The following FSD1L variants were observed in gnomAD, a reference collection of about 807,000 sequenced individuals.
FSD1L encodes the protein FSD1-like protein.
FSD1L carries 45 observed loss-of-function variants against 71.6 expected under a neutral mutation model. The observed-to-expected ratio is 0.63, with a 90% CI of 0.49 to 0.81. The LOEUF (loss-of-function observed/expected upper bound fraction) is 0.81, where lower values mean the gene tolerates loss of function less well. Among genes scored for constraint, FSD1L ranks in the 30% least tolerant of loss-of-function variants. FSD1L has a pLI of 0.00. For synonymous variants in FSD1L, 197 were observed against 207.2 expected (o/e 0.95, Z 0.42); for missense variants, 561 against 618.1 (o/e 0.91, Z 0.98).
chr9:105,446,966 C>A (rs1349716426), upstream of FSD1L, among the ~76,000 whole-genome samples: 1 of 152,028 alleles, frequency 6.6e-6, no homozygotes, highest in African/African-American at 2.4e-5. Flanking sequence ...TCCAAGCTTT[C>A]TAAAATCTTC....
chr9:105,526,386 C>T (rs1317469935), intron 10 of FSD1L: 6 of 1,613,174 alleles, frequency 3.7e-6, no homozygotes, highest in East Asian at 2.2e-5. Context: ...TCTGAAGGCT[C>T]CTACCCAGAG....
At chr9:105,463,588 A>G (rs1475948162) in intron 2 of FSD1L, among the ~76,000 whole-genome samples, 2 of 152,256 alleles carry the variant, frequency 1.3e-5, no homozygotes, top group African/African-American at 2.4e-5. Flanking sequence ...GCACATTTAT[A>G]GAACATTTCC....
chr9:105,513,025 A>G, intron 10 of FSD1L, 89 bp downstream of exon 10: 1 of 1,135,274 alleles, frequency 8.8e-7, no homozygotes, highest in East Asian at 2.9e-5. Flanking sequence ...TTCTTAGTCA[A>G]TATACCTATG....
intron 7 of FSD1L, among the ~76,000 whole-genome samples, chr9:105,489,501 T>TTTTTA (rs199587230): frequency 0.016 from 2,393 of 152,246 alleles, 87 homozygotes; most frequent in African/African-American, 0.054. Flanking sequence ...GTTTTATGTT[T>TTTTTA]TTTTATTTTA....
At chr9:105,471,721 G>GTT (rs1049947358) in intron 4 of FSD1L, among the ~76,000 whole-genome samples, 183 bp from the exon 5 acceptor site, 65 of 98,370 alleles carry the variant, frequency 6.6e-4, no homozygotes, top group African/African-American at 2.6e-3. Context: ...AAAATAACAC[G>GTT]TTTTATATAT....
chr9:105,526,710 ATT>A (rs1175054257), intron 10 of FSD1L, among the ~76,000 whole-genome samples: 2 of 152,198 alleles, frequency 1.3e-5, no homozygotes, highest in African/African-American at 4.8e-5. Flanking sequence ...GATTTAAGTT[ATT>A]TATTGTTTCA....
intron 5 of FSD1L, among the ~76,000 whole-genome samples, chr9:105,475,888 T>C (rs1376767585): frequency 6.6e-6 from 1 of 152,184 alleles, no homozygotes; most frequent in South Asian, 2.1e-4. Context: ...AAACTTCTAA[T>C]GTATGGAATC....
rs1837121464 is a variant in FSD1L at position 105,548,312 on chromosome 9, T to G, written c.*1829T>G. ...AATGAATGGGAATTTATAATTCCTT[T>G]CATAGACTCAAACCTGAAAGCAGAA... On this transcript the variant is annotated 3_prime_UTR_variant, in exon 14 of 14. Transcript: ENST00000481272. 1 of 152,382 alleles carries G rather than the reference T, an allele frequency of 6.6e-6. No homozygotes were observed. The highest frequency in any genetic ancestry group is 1.5e-5 in the Non-Finnish European group (1 of 68,000). The allele number at this position is 152,382 out of a possible 1,614,324, so 9.4% of individuals were successfully genotyped here. A position where few individuals can be genotyped will look rare whatever the true frequency, so the allele number is the denominator to read the frequency against.
At chr9:105,489,803 G>A in intron 7 of FSD1L, among the ~76,000 whole-genome samples, 1 of 152,102 alleles carries the variant, frequency 6.6e-6, no homozygotes, top group East Asian at 1.9e-4. Flanking sequence ...ATGATTTCCA[G>A]TTTCATCCAC....
intron 10 of FSD1L, chr9:105,520,295 A>G: frequency 1.3e-6 from 2 of 1,532,332 alleles, no homozygotes; most frequent in South Asian, 1.2e-5. Context: ...CCTAGTTCAG[A>G]GTTTATCTCG....
At chr9:105,541,494 T>C (rs1048155673) in intron 13 of FSD1L, among the ~76,000 whole-genome samples, 1 of 152,084 alleles carries the variant, frequency 6.6e-6, no homozygotes, top group Non-Finnish European at 1.5e-5. Flanking sequence ...TTTATTGTTT[T>C]TCATTCCAAA....
At chr9:105,449,560 T>G (rs1387046907) in intron 1 of FSD1L, among the ~76,000 whole-genome samples, 1 of 152,212 alleles carries the variant, frequency 6.6e-6, no homozygotes, top group Non-Finnish European at 1.5e-5. Context: ...AGCAAGTCAC[T>G]TAACTGTGAT....
upstream of FSD1L, chr9:105,448,029 C>A: frequency 1.6e-6 from 1 of 626,724 alleles, no homozygotes; most frequent in Non-Finnish European, 2.8e-6. Context: ...CTTCTGCGGG[C>A]CGCCCTTTCA....
chr9:105,444,987 G>C (rs1411734338), upstream of FSD1L, among the ~76,000 whole-genome samples: 3 of 152,146 alleles, frequency 2.0e-5, no homozygotes, highest in Non-Finnish European at 4.4e-5. Context: ...CTGGTCCAGG[G>C]ATCACATTTA....
At chr9:105,466,240 G>C (rs1248685849) in intron 3 of FSD1L, among the ~76,000 whole-genome samples, 1 of 152,064 alleles carries the variant, frequency 6.6e-6, no homozygotes, top group Non-Finnish European at 1.5e-5. Flanking sequence ...AATTTAAGAA[G>C]ACAAATGAAT....
intron 10 of FSD1L, chr9:105,525,794 C>G: frequency 6.2e-7 from 1 of 1,607,672 alleles, no homozygotes; most frequent in Non-Finnish European, 8.5e-7. Flanking sequence ...GTAAATCTTA[C>G]AAACCATTGT....
In FSD1L at chr9:105,551,289, A is replaced by G. The variant is rs1445880797; in HGVS notation, c.*4806A>G. 2 of 152,098 alleles carry G rather than the reference A, an allele frequency of 1.3e-5. No individual in the cohort carries two copies. The highest frequency in any genetic ancestry group is 1.3e-4 in the Admixed American group (2 of 15,274). The allele number at this position is 152,098 out of a possible 1,614,324, so 9.4% of individuals were successfully genotyped here. ...TTAAAAATCCCTGGATATGACATAA[A>G]AAGGATTTTGGCTTCTTTTTTGAAG... On this transcript the variant is annotated 3_prime_UTR_variant, in exon 14 of 14. Coordinates refer to ENST00000481272, the MANE Select transcript of FSD1L (RefSeq NM_001145313.3).
chr9:105,518,968 TA>T (rs1478522502), intron 10 of FSD1L, among the ~76,000 whole-genome samples: 1 of 152,090 alleles, frequency 6.6e-6, no homozygotes, highest in Non-Finnish European at 1.5e-5. Context: ...AAAAATGATA[TA>T]GGGGATATCA....
At chr9:105,491,814 T>C (rs565492886) in intron 7 of FSD1L, among the ~76,000 whole-genome samples, 1,778 of 152,294 alleles carry the variant, frequency 0.012, 40 homozygotes, top group African/African-American at 0.041. Flanking sequence ...TTGATTTGCG[T>C]ATATTGAACC....
Sources: gnomAD v4.1 joint callset for allele counts (sites outside exome capture counted in the v4.1 genomes callset) on GRCh38, gnomAD v4.1.1 for gene constraint, MANE v1.5 for transcripts, NCBI Gene and HGNC (gene_info 2026-07-23, HGNC 2026-07-21) for gene names.